Variants in DLC1 observed in about 807,000 individuals in gnomAD.
The protein encoded by DLC1 is rho GTPase-activating protein 7.
In DLC1, 54 loss-of-function variants were observed where a neutral mutation model predicts 140.3. The observed-to-expected ratio is 0.38, with a 90% confidence interval of 0.31 to 0.48. The LOEUF is 0.48. DLC1 is among the 20% of genes least tolerant of loss of function. The pLI, the probability that DLC1 is intolerant of heterozygous loss-of-function variation, is 0.96. For synonymous variants in DLC1, 986 were observed against 728.1 expected, an observed-to-expected ratio of 1.35 and a Z score of -5.70; for missense variants, 2,536 against 1,907.0, an observed-to-expected ratio of 1.33 and a Z score of -6.14.
intron 1 of DLC1, among the ~76,000 whole-genome samples, chr8:13,548,343 G>T (rs1000157326): frequency 1.4e-5 from 2 of 148,074 alleles, no homozygotes; most frequent in African/African-American, 5.0e-5. Flanking sequence ...TTATCTTTTG[G>T]TTTATATCTT....
At chr8:13,206,327 C>G (rs1827662402) in intron 5 of DLC1, among the ~76,000 whole-genome samples, 1 of 152,074 alleles carries the variant, frequency 6.6e-6, no homozygotes, top group Non-Finnish European at 1.5e-5. Context: ...TGCAAAAGAT[C>G]TGAATAAACA....
intron 1 of DLC1, among the ~76,000 whole-genome samples, chr8:13,502,946 G>A (rs774860510): frequency 9.2e-5 from 14 of 152,172 alleles, no homozygotes; most frequent in Admixed American, 2.0e-4. Flanking sequence ...AACATCACAA[G>A]AGACTGTATG....
rs138593268 is a variant in DLC1, at chr8:13,160,598, C to T, written c.1349-44941G>A. ...TTACTTTCTTCCTCTTTTCCTCTCT[C>T]TCTCTTACCTGGCATAGGTTAAACC... On this transcript the variant is annotated intron_variant, in intron 5 of 17. Coordinates refer to ENST00000276297, the MANE Select transcript of DLC1 (RefSeq NM_182643.3). Among the ~76,000 whole-genome samples, 3 of 152,324 alleles carry T rather than the reference C, an allele frequency of 2.0e-5. No homozygotes were observed. In the East Asian group the frequency reaches 5.8e-4, roughly 29 times the overall value.
At chr8:13,397,169 T>A (rs1290724740) in intron 3 of DLC1, among the ~76,000 whole-genome samples, 1 of 152,142 alleles carries the variant, frequency 6.6e-6, no homozygotes, top group Non-Finnish European at 1.5e-5. Flanking sequence ...CATTGGTTGT[T>A]CTGATCTGGA....
At position 13,099,331 on chromosome 8, in the gene DLC1, G is replaced by A; in HGVS notation, c.2990+16C>T. 2 of 1,605,836 alleles carry A rather than the reference G, an allele frequency of 1.2e-6. No homozygotes were observed. Among genetic ancestry groups the A allele is most frequent in the Non-Finnish European group, 1.7e-6 (2 of 1,176,010 alleles). On this transcript the variant is annotated intron_variant, in intron 9 of 17. Coordinates refer to ENST00000276297, the MANE Select transcript of DLC1 (RefSeq NM_182643.3). ...CCCCAGTGCCCCACACCCGGAGGCA[G>A]GAGAAAAGTTCTTACCTGTTGGACC...
chr8:13,277,589 CT>C (rs1831222118), intron 5 of DLC1, among the ~76,000 whole-genome samples: 1 of 152,206 alleles, frequency 6.6e-6, no homozygotes, highest in African/African-American at 2.4e-5. Flanking sequence ...CCAACTGCTT[CT>C]TTTACAAGAT....
At chr8:13,405,440 T>G (rs924406435) in intron 2 of DLC1, among the ~76,000 whole-genome samples, 6 of 152,216 alleles carry the variant, frequency 3.9e-5, no homozygotes, top group Non-Finnish European at 7.3e-5. Context: ...ATTTGGACAC[T>G]TCACTCAACA....
rs150004143 is a variant in DLC1, at chr8:13,395,160, G to A, written c.1174-1467C>T. Among the ~76,000 whole-genome samples the A allele has an allele frequency of 1.3e-3, 191 of 147,312 alleles. 2 individuals are homozygous for A. In the East Asian group the frequency reaches 0.02, roughly 15 times the overall value. On this transcript the variant is annotated intron_variant, in intron 3 of 17. Coordinates refer to ENST00000276297, the MANE Select transcript of DLC1 (RefSeq NM_182643.3). ...TTTTGGAATGGAGTCTCACACCGTC[G>A]CCCCGGCTGGAGTGCAATGGCGCAA... is the stretch of plus-strand genomic sequence containing the variant.
At chr8:13,447,969 T>G (rs1798860165) in intron 2 of DLC1, among the ~76,000 whole-genome samples, 1 of 152,208 alleles carries the variant, frequency 6.6e-6, no homozygotes, top group African/African-American at 2.4e-5. Flanking sequence ...GTGAAAATCC[T>G]CCTGAAATCT....
intron 2 of DLC1, among the ~76,000 whole-genome samples, chr8:13,431,160 A>C (rs1328243213): frequency 6.6e-6 from 1 of 152,184 alleles, no homozygotes; most frequent in Admixed American, 6.5e-5. Context: ...TGAGAAGTCC[A>C]AGAGGATGAC....
intron 3 of DLC1, among the ~76,000 whole-genome samples, chr8:13,394,159 C>G (rs997197176): frequency 3.9e-5 from 6 of 152,212 alleles, no homozygotes; most frequent in East Asian, 1.9e-4. Flanking sequence ...TTCTATGTTC[C>G]TATTCAACCT....
chr8:13,175,873 G>A (rs996491385), intron 5 of DLC1, among the ~76,000 whole-genome samples: 3 of 152,238 alleles, frequency 2.0e-5, no homozygotes, highest in African/African-American at 7.2e-5. Context: ...CCTGGTCACA[G>A]CTTCCCTCTC....
At chr8:13,140,431 T>G (rs756418650) in intron 5 of DLC1, among the ~76,000 whole-genome samples, 1 of 151,892 alleles carries the variant, frequency 6.6e-6, no homozygotes, top group Non-Finnish European at 1.5e-5. Context: ...TGGAGTGTCG[T>G]CATGTTGCCC....
chr8:13,575,796 G>A (rs1392077313), intron 1 of DLC1, among the ~76,000 whole-genome samples: 2 of 152,182 alleles, frequency 1.3e-5, no homozygotes, highest in Non-Finnish European at 2.9e-5. Flanking sequence ...ATTTTGAGAA[G>A]TAAAATGAGT....
intron 4 of DLC1, among the ~76,000 whole-genome samples, chr8:13,383,543 A>C (rs1018532211): frequency 6.6e-6 from 1 of 152,172 alleles, no homozygotes; most frequent in Non-Finnish European, 1.5e-5. Context: ...CATTAGAGAC[A>C]TGGCACATTG....
intron 1 of DLC1, among the ~76,000 whole-genome samples, chr8:13,548,525 A>G (rs184682223): frequency 6.6e-6 from 1 of 152,220 alleles, no homozygotes; most frequent in Admixed American, 6.6e-5. Context: ...TAAAGCTACA[A>G]GGAATATTTC....
At chr8:13,249,663 T>C (rs889492655) in intron 5 of DLC1, among the ~76,000 whole-genome samples, 1 of 152,194 alleles carries the variant, frequency 6.6e-6, no homozygotes, top group Non-Finnish European at 1.5e-5. Context: ...TGTCTTCTCT[T>C]TTACAGCAAC....
intron 3 of DLC1, among the ~76,000 whole-genome samples, chr8:13,395,783 CAT>C (rs75085751): frequency 0.36 from 54,243 of 151,460 alleles, 10,295 homozygotes; most frequent in East Asian, 0.77. Flanking sequence ...GTGTAGAAGA[CAT>C]AACTCTGAGC....
chr8:13,446,679 G>A (rs761195860), intron 2 of DLC1, among the ~76,000 whole-genome samples: 19 of 152,068 alleles, frequency 1.2e-4, no homozygotes, highest in African/African-American at 1.9e-4. Context: ...GGTGGTTCAC[G>A]CCTGTAATCT....
Sources: gnomAD v4.1 joint callset for allele counts (sites outside exome capture counted in the v4.1 genomes callset) on GRCh38, gnomAD v4.1.1 for gene constraint, MANE v1.5 for transcripts, NCBI Gene and HGNC (gene_info 2026-07-23, HGNC 2026-07-21) for gene names.